Variants in RPP40 observed in about 807,000 individuals in gnomAD.
The protein encoded by RPP40 is ribonuclease P protein subunit p40.
A neutral mutation model predicts 42.5 loss-of-function variants in RPP40; 30 were observed. The ratio of observed to expected loss-of-function variants is 0.71; its 90% CI spans 0.53 to 0.96. RPP40 has a LOEUF of 0.96. Ranked by LOEUF, RPP40 falls within the 40% of genes least tolerant of loss-of-function variation. The pLI, the probability that RPP40 is intolerant of heterozygous loss-of-function variation, is 0.00. For missense variants in RPP40, 426 were observed against 433.5 expected (o/e 0.98, Z 0.15); for synonymous variants, 173 against 164.0 (o/e 1.05, Z -0.42).
chr6:5,000,694 G>T, intron 2 of RPP40, 63 bp from the exon 3 acceptor site: 2 of 1,019,112 alleles, frequency 2.0e-6, no homozygotes, highest in Non-Finnish European at 3.1e-6. Context: ...GATGTTAGTG[G>T]ATTATTTTTA....
the RPP40 span, among the ~76,000 whole-genome samples, chr6:4,988,730 ATTTGT>A: frequency 6.6e-6 from 1 of 152,164 alleles, no homozygotes; most frequent in East Asian, 1.9e-4. Flanking sequence ...ACTGAAGGAC[ATTTGT>A]TTTTTTCCTA....
rs1759677711 is a variant in RPP40, at chr6:5,003,973, C to G, written c.30G>C (p.Ala10=). The G allele has an allele frequency of 6.2e-7, 1 of 1,612,282 alleles. No homozygotes were observed. Among genetic ancestry groups the G allele is most frequent in the African/African-American group, 1.3e-5 (1 of 74,836 alleles). ...TCTCGCAAACCAGTAAGTGCCGCGG[C>G]GCCTCCCGAAGCCGGCGCAGCGTGG... The part of the protein sequence containing the change: MATLRRLRE[A]PRHLLVCEKS... Residue 10 remains alanine, a synonymous_variant, in exon 1 of 8, where the codon GCG becomes GCC. Coordinates refer to ENST00000380051, the MANE Select transcript of RPP40 (RefSeq NM_006638.4).
chr6:4,991,218 A>G (rs1397387843), downstream of RPP40, among the ~76,000 whole-genome samples: 4 of 151,720 alleles, frequency 2.6e-5, no homozygotes, highest in African/African-American at 9.7e-5. Context: ...AGTTTCTGCT[A>G]TTGATTTCTA....
chr6:5,000,842 C>T (rs1322692729), intron 2 of RPP40, among the ~76,000 whole-genome samples: 1 of 147,840 alleles, frequency 6.8e-6, no homozygotes, highest in Non-Finnish European at 1.5e-5. Flanking sequence ...ATGCAGAAGA[C>T]CAAGCATGCA....
chr6:5,003,845 G>C, intron 1 of RPP40, 35 bp downstream of exon 1: 1 of 1,591,820 alleles, frequency 6.3e-7, no homozygotes, highest in Non-Finnish European at 8.6e-7. Flanking sequence ...CGGGGACTGA[G>C]CACGGCCCGA....
intron 3 of RPP40, 48 bp from the exon 4 acceptor site, chr6:4,999,952 C>A (rs956334458): frequency 4.4e-6 from 5 of 1,132,092 alleles, no homozygotes; most frequent in Non-Finnish European, 4.0e-6. Flanking sequence ...CTAGAACTTA[C>A]GTTGTCTGAC....
chr6:4,994,076 A>T (rs982875117), downstream of RPP40, among the ~76,000 whole-genome samples: 25 of 151,204 alleles, frequency 1.7e-4, no homozygotes, highest in East Asian at 1.6e-3. Context: ...AAAAAAAAAA[A>T]TTTTTTTTTC....
At chr6:5,000,028 T>C in intron 3 of RPP40, 124 bp from the exon 4 acceptor site, 1 of 596,830 alleles carries the variant, frequency 1.7e-6, no homozygotes, top group Non-Finnish European at 3.1e-6. Flanking sequence ...AAGGATCTTA[T>C]TTATATCACA....
At chr6:4,989,834 T>C (rs931620072), downstream of RPP40, among the ~76,000 whole-genome samples, 3 of 152,246 alleles carry the variant, frequency 2.0e-5, no homozygotes, top group Non-Finnish European at 4.4e-5. Flanking sequence ...AGTAGCTCAT[T>C]TGTAGAGTCC....
At chr6:4,993,934 G>A (rs1759297489), downstream of RPP40, among the ~76,000 whole-genome samples, 1 of 151,984 alleles carries the variant, frequency 6.6e-6, no homozygotes, top group Non-Finnish European at 1.5e-5. Context: ...TGAGCTTTGT[G>A]TGCTGTTCTG....
chr6:4,999,709 G>C (rs1759493018), intron 4 of RPP40, 100 bp downstream of exon 4: 2 of 695,098 alleles, frequency 2.9e-6, no homozygotes, highest in Non-Finnish European at 5.1e-6. Context: ...TTTTTAAAAG[G>C]CCACATTTTT....
At chr6:5,001,089 G>A (rs932382444) in intron 2 of RPP40, 11 of 456,858 alleles carry the variant, frequency 2.4e-5, no homozygotes, top group Non-Finnish European at 3.5e-5. Context: ...AGAACGGAAC[G>A]TGACCTTTGG....
At chr6:4,993,581 C>A (rs1292080025), downstream of RPP40, among the ~76,000 whole-genome samples, 1 of 152,124 alleles carries the variant, frequency 6.6e-6, no homozygotes, top group African/African-American at 2.4e-5. Flanking sequence ...TGAAACTCTC[C>A]GAGTTCCTCC....
At chr6:5,002,427 C>G (rs1208104877) in intron 1 of RPP40, among the ~76,000 whole-genome samples, 182 bp from the exon 2 acceptor site, 5 of 152,150 alleles carry the variant, frequency 3.3e-5, no homozygotes, top group Non-Finnish European at 7.3e-5. Flanking sequence ...AATCTGACTA[C>G]TTAAGTTTTT....
At position 4,994,852 on chromosome 6, in the gene RPP40, C is replaced by A; in HGVS notation, c.*226G>T. ...CAGTGTACCACATAGTAACCCACAA[C>A]CCTGTGCTTATGTTGACAGAGAGAA... On this transcript the variant is annotated 3_prime_UTR_variant, in exon 8 of 8. Coordinates refer to ENST00000380051, the MANE Select transcript of RPP40 (RefSeq NM_006638.4). 1 of 552,096 alleles carries A rather than the reference C, an allele frequency of 1.8e-6. No homozygotes were observed. The highest frequency in any genetic ancestry group is 3.2e-6 in the Non-Finnish European group (1 of 311,200). The allele number at this position is 552,096 out of a possible 1,614,324, so 34.2% of individuals were successfully genotyped here. A position where few individuals can be genotyped will look rare whatever the true frequency, so the allele number is the denominator to read the frequency against.
intron 5 of RPP40, among the ~76,000 whole-genome samples, chr6:4,997,871 A>AAC (rs1759428265): frequency 6.6e-6 from 1 of 152,180 alleles, no homozygotes; most frequent in Non-Finnish European, 1.5e-5. Context: ...AAATCCTTAA[A>AAC]ATAGTTAGGA....
In RPP40 at chr6:4,999,874, G is replaced by T. The variant is rs1299440992; in HGVS notation, c.368C>A (p.Thr123Asn). 4 of 1,608,132 alleles carry T rather than the reference G, an allele frequency of 2.5e-6. No homozygotes were observed. The highest frequency in any genetic ancestry group is 3.4e-6 in the Non-Finnish European group (4 of 1,175,306). Reference protein sequence around the residue: ...GKLILSLDKDTYEETGLQGHP... With the variant: ...GKLILSLDKDNYEETGLQGHP... ...ACCCTGAAGTCCAGTTTCTTCATAAGTGTCTTTATCCAGTGACAAAATTAA... is the reference window on the plus strand; with the variant it reads ...ACCCTGAAGTCCAGTTTCTTCATAATTGTCTTTATCCAGTGACAAAATTAA... The change falls in exon 4 of 8, where the codon ACT (threonine) becomes AAT (asparagine). Residue 123 changes from threonine to asparagine, a missense_variant. Transcript: ENST00000380051.
At chr6:4,996,997 A>G (rs747608378) in intron 5 of RPP40, among the ~76,000 whole-genome samples, 1 of 152,202 alleles carries the variant, frequency 6.6e-6, no homozygotes, top group African/African-American at 2.4e-5. Context: ...CTCCGGGCAG[A>G]TATCAGCAGG....
At chr6:4,996,691 A>C (rs1759395127) in intron 5 of RPP40, among the ~76,000 whole-genome samples, 1 of 152,236 alleles carries the variant, frequency 6.6e-6, no homozygotes, top group Admixed American at 6.5e-5. Flanking sequence ...GTGCTAATAA[A>C]AAAATTTCAA....
Sources: allele counts gnomAD v4.1 joint callset (sites outside exome capture counted in the v4.1 genomes callset), GRCh38; gene constraint gnomAD v4.1.1; transcripts MANE v1.5; gene names NCBI Gene and HGNC (gene_info 2026-07-23, HGNC 2026-07-21).